The following GLUD1 variants were observed in gnomAD, a reference collection of about 807,000 sequenced individuals.
GLUD1 encodes glutamate dehydrogenase 1, mitochondrial.
In GLUD1, 22 loss-of-function variants were observed where a neutral mutation model predicts 56.0. The ratio of observed to expected loss-of-function variants is 0.39; its 90% confidence interval spans 0.28 to 0.56. GLUD1 has a LOEUF of 0.56. GLUD1 is among the 20% of genes least tolerant of loss of function. The pLI, the probability that GLUD1 is intolerant of heterozygous loss-of-function variation, is 0.58. For synonymous variants in GLUD1, 223 were observed against 269.9 expected (o/e 0.83, Z 1.70); for missense variants, 451 against 732.0 (o/e 0.62, Z 4.43).
At chr10:87,082,268 T>C (rs1841279951) in intron 1 of GLUD1, among the ~76,000 whole-genome samples, 2 of 152,354 alleles carry the variant, frequency 1.3e-5, no homozygotes, top group Admixed American at 6.5e-5. Context: ...CACACAAGTG[T>C]AAACAAAATG....
At chr10:87,081,304 C>A (rs1272454921) in intron 1 of GLUD1, among the ~76,000 whole-genome samples, 1 of 149,530 alleles carries the variant, frequency 6.7e-6, no homozygotes, top group African/African-American at 2.5e-5. Context: ...CGGCCAGCCA[C>A]CCCGTCCGGG....
Position 87,074,564 on chromosome 10 carries a change from T to G in GLUD1, c.633A>C (p.Lys211Asn). Residue 211 changes from lysine to asparagine, a missense_variant, in exon 4 of 13, where the codon AAA becomes AAC. Physicochemically the swap from Lys to Asn is moderately conservative, Grantham distance 94. This residue lies in a region of GLUD1 where 248 missense variants were observed against 460.0 expected (regional missense o/e 0.54). Coordinates refer to ENST00000277865, the MANE Select transcript of GLUD1 (RefSeq NM_005271.5). ...ITRRFTMELA[K>N]KGFIGPGIDV... The stretch of plus-strand genomic sequence containing the variant: ...GGCTACACATACCAATAAAGCCCTT[T>G]TTTGCTAGCTCCATGGTGAACCTCC... The G allele has an allele frequency of 6.3e-7, 1 of 1,583,462 alleles. No individual in the cohort carries two copies. The highest frequency in any genetic ancestry group is 8.7e-7 in the Non-Finnish European group (1 of 1,152,116).
intron 1 of GLUD1, among the ~76,000 whole-genome samples, chr10:87,088,357 A>G (rs970924528): frequency 3.3e-5 from 5 of 152,160 alleles, no homozygotes; most frequent in African/African-American, 1.2e-4. Context: ...TGTTTTTTTA[A>G]AAGAACCCTC....
Position 87,094,814 on chromosome 10 carries a change from C to T in GLUD1, c.-45G>A. 1 of 1,456,892 alleles carries T rather than the reference C, an allele frequency of 6.9e-7. No homozygotes were observed. Among genetic ancestry groups the T allele is most frequent in the Non-Finnish European group, 9.3e-7 (1 of 1,076,844 alleles). The allele number at this position is 1,456,892 out of a possible 1,614,324, so 90.2% of individuals were successfully genotyped here. A position where few individuals can be genotyped will look rare whatever the true frequency, so the allele number is the denominator to read the frequency against. On this transcript the variant is annotated 5_prime_UTR_variant, in exon 1 of 13. Transcript: ENST00000277865. This position sits in a 1 kb window ranked among gnomAD's most constrained non-coding sequence, Gnocchi z 6.6. ...GTGCGTGATGGTCGCGAAACAGGCG[C>T]GCTTTCTCAGACTCCCCGCGACTAG...
At chr10:87,070,516 T>C (rs1376728538) in intron 4 of GLUD1, among the ~76,000 whole-genome samples, 1 of 151,892 alleles carries the variant, frequency 6.6e-6, no homozygotes, top group Non-Finnish European at 1.5e-5. Flanking sequence ...GGAGAATTGC[T>C]TGAACCAGGG....
chr10:87,065,272 CAAAAAAAAA>C (rs59540767), intron 5 of GLUD1, among the ~76,000 whole-genome samples: 60 of 60,818 alleles, frequency 9.9e-4, no homozygotes, highest in African/African-American at 3.3e-3. Context: ...GACTCCGTCT[CAAAAAAAAA>C]AAAAAAAAAA....
At chr10:87,052,538 C>G (rs1286880661) in intron 12 of GLUD1, among the ~76,000 whole-genome samples, 1 of 151,520 alleles carries the variant, frequency 6.6e-6, no homozygotes. Flanking sequence ...GGCATGGTGG[C>G]TCATGCCTGT....
In GLUD1 at chr10:87,074,579, G is replaced by A; in HGVS notation, c.618C>T (p.Thr206=). ...NELEKITRRF[T]MELAKKGFIG... The stretch of plus-strand genomic sequence containing the variant: ...TAAAGCCCTTTTTTGCTAGCTCCAT[G>A]GTGAACCTCCTTGTGATCTTTTCCA... Residue 206 remains threonine, a synonymous_variant, in exon 4 of 13, where the codon ACC becomes ACT. Coordinates refer to ENST00000277865, the MANE Select transcript of GLUD1 (RefSeq NM_005271.5). 6.3e-7 allele frequency: 1 copy of A among 1,592,602 alleles called. No homozygotes were observed. Among genetic ancestry groups the A allele is most frequent in the Non-Finnish European group, 8.6e-7 (1 of 1,160,656 alleles).
chr10:87,080,379 G>A (rs1841189223), intron 1 of GLUD1, among the ~76,000 whole-genome samples: 2 of 152,050 alleles, frequency 1.3e-5, no homozygotes, highest in South Asian at 4.2e-4. Flanking sequence ...GAAGTGAGGA[G>A]TGTCTCTGCC....
At chr10:87,086,608 G>C (rs1449177762) in intron 1 of GLUD1, among the ~76,000 whole-genome samples, 1 of 151,792 alleles carries the variant, frequency 6.6e-6, no homozygotes, top group East Asian at 1.9e-4. Context: ...CGGATCATGA[G>C]GTCAGGAGAT....
At chr10:87,051,927 A>C (rs1845641267) in intron 12 of GLUD1, 57 bp from the exon 13 acceptor site, 12 of 1,606,920 alleles carry the variant, frequency 7.5e-6, no homozygotes, top group Non-Finnish European at 1.0e-5. Context: ...GCCAGGCCAT[A>C]AACACACAAG....
At chr10:87,051,977 C>A in intron 12 of GLUD1, 107 bp from the exon 13 acceptor site, 1 of 1,321,142 alleles carries the variant, frequency 7.6e-7, no homozygotes, top group Non-Finnish European at 1.1e-6. Context: ...CTCATTGTTT[C>A]AAGGCAGGAC....
At chr10:87,069,200 C>T (rs1306950329) in intron 4 of GLUD1, among the ~76,000 whole-genome samples, 3 of 151,572 alleles carry the variant, frequency 2.0e-5, no homozygotes, top group Admixed American at 6.6e-5. Context: ...TTTTACAAAA[C>T]GAAAAACGCA....
chr10:87,069,159 ATATTAT>A, intron 4 of GLUD1, among the ~76,000 whole-genome samples: 1 of 152,050 alleles, frequency 6.6e-6, no homozygotes, highest in South Asian at 2.1e-4. Context: ...ATAACTTTCT[ATATTAT>A]TTCAACTGTA....
chr10:87,063,360 ACCACGCCCGGC>A (rs1845985944), intron 5 of GLUD1, among the ~76,000 whole-genome samples: 1 of 152,244 alleles, frequency 6.6e-6, no homozygotes, highest in East Asian at 1.9e-4. Context: ...AGCGTGAGCC[ACCACGCCCGGC>A]AAAGTAGACC....
At chr10:87,057,869 G>A in intron 10 of GLUD1, 87 bp from the exon 11 acceptor site, 2 of 759,874 alleles carry the variant, frequency 2.6e-6, no homozygotes, top group Non-Finnish European at 4.6e-6. Flanking sequence ...AACTATAACT[G>A]TAACCCAAAA....
intron 6 of GLUD1, 118 bp downstream of exon 6, chr10:87,062,538 C>T: frequency 1.2e-6 from 1 of 844,314 alleles, no homozygotes; most frequent in Non-Finnish European, 1.9e-6. Flanking sequence ...AAAACCACCA[C>T]TCTAAAATTT....
chr10:87,066,614 G>A (rs921880709), intron 5 of GLUD1, among the ~76,000 whole-genome samples: 33 of 152,144 alleles, frequency 2.2e-4, no homozygotes, highest in African/African-American at 7.7e-4. Context: ...ACCCGTCTAA[G>A]TGCAGACCAG....
At chr10:87,088,949 G>C (rs1228012023) in intron 1 of GLUD1, among the ~76,000 whole-genome samples, 1 of 152,144 alleles carries the variant, frequency 6.6e-6, no homozygotes, top group Non-Finnish European at 1.5e-5. Flanking sequence ...CTCTTTTGAT[G>C]GAAAACTGTT....
Sources: allele counts gnomAD v4.1 joint callset (sites outside exome capture counted in the v4.1 genomes callset), GRCh38; gene constraint gnomAD v4.1.1; regional missense constraint gnomAD v4.1.1; non-coding constraint Gnocchi (gnomAD v3.1); transcripts MANE v1.5; gene names NCBI Gene and HGNC (gene_info 2026-07-23, HGNC 2026-07-21).